Variants in CDH20 observed in about 807,000 individuals in gnomAD.
CDH20 encodes the protein cadherin-20.
Under a neutral mutation model 74.2 loss-of-function variants are expected in CDH20, and 29 were observed. The ratio of observed to expected loss-of-function variants is 0.39; its 90% CI spans 0.29 to 0.53. The LOEUF (loss-of-function observed/expected upper bound fraction) is 0.53, where lower values mean the gene tolerates loss of function less well. Ranked by LOEUF, CDH20 falls within the 20% of genes least tolerant of loss-of-function variation. The probability of loss-of-function intolerance (pLI) is 0.69; values close to 1 mark genes in which losing one functional copy is unlikely to be tolerated. For synonymous variants in CDH20, 469 were observed against 405.4 expected (o/e 1.16, Z -1.88); for missense variants, 988 against 1,048.3 (o/e 0.94, Z 0.79).
chr18:61,360,033 T>G (rs971871936), intron 1 of CDH20, among the ~76,000 whole-genome samples: 5 of 152,124 alleles, frequency 3.3e-5, no homozygotes, highest in Admixed American at 6.5e-5. Flanking sequence ...ACCAGAGGGC[T>G]TGTCAAAAAT....
chr18:61,375,711 C>CTATTCATTCAT (rs1189672251), intron 1 of CDH20, among the ~76,000 whole-genome samples: 1 of 152,102 alleles, frequency 6.6e-6, no homozygotes, highest in Non-Finnish European at 1.5e-5. Context: ...CTAGGAGGTA[C>CTATTCATTCAT]TATTCATTCA....
Position 61,340,458 on chromosome 18 carries a change from T to A in CDH20, c.-153+6631T>A, listed in dbSNP as rs148706829. Among the ~76,000 whole-genome samples, 19 of 152,258 alleles carry A rather than the reference T, an allele frequency of 1.2e-4. 1 individual carries two copies. Among genetic ancestry groups the A allele is most frequent in the Non-Finnish European group, 2.8e-4 (19 of 68,010 alleles). ...AGCATGGAAAGAGGTACAGGAAAGTTTTTTTGTTGGTGTTCTTTAGCTGGT... is the reference window on the plus strand; with the variant it reads ...AGCATGGAAAGAGGTACAGGAAAGTATTTTTGTTGGTGTTCTTTAGCTGGT... On this transcript the variant is annotated intron_variant, in intron 1 of 11. Coordinates refer to ENST00000262717, the MANE Select transcript of CDH20 (RefSeq NM_031891.4).
intron 1 of CDH20, among the ~76,000 whole-genome samples, chr18:61,482,582 C>T (rs1438410671): frequency 2.6e-5 from 4 of 152,140 alleles, no homozygotes; most frequent in Admixed American, 6.5e-5. Context: ...CTTTGTTCTC[C>T]TTTTTCTTTA....
chr18:61,495,307 G>T (rs1052635107), intron 2 of CDH20, among the ~76,000 whole-genome samples: 1 of 152,214 alleles, frequency 6.6e-6, no homozygotes, highest in Non-Finnish European at 1.5e-5. Context: ...GAAACCAAAT[G>T]TGTATTCTAC....
chr18:61,380,362 C>T (rs965578382), intron 1 of CDH20, among the ~76,000 whole-genome samples: 1 of 152,024 alleles, frequency 6.6e-6, no homozygotes, highest in East Asian at 1.9e-4. Flanking sequence ...ATTATAAATA[C>T]CATAGTAAAA....
chr18:61,420,887 C>G (rs1248654631), intron 1 of CDH20, among the ~76,000 whole-genome samples: 1 of 152,096 alleles, frequency 6.6e-6, no homozygotes, highest in Non-Finnish European at 1.5e-5. Context: ...AACCCTGTCT[C>G]TACTAAAAAT....
chr18:61,379,621 A>C (rs751911731), intron 1 of CDH20, among the ~76,000 whole-genome samples: 81 of 152,208 alleles, frequency 5.3e-4, no homozygotes, highest in Non-Finnish European at 3.4e-4. Flanking sequence ...TGAATCCCAA[A>C]GATAAAGTTT....
At chr18:61,347,455 G>A (rs958826809) in intron 1 of CDH20, among the ~76,000 whole-genome samples, 1 of 150,584 alleles carries the variant, frequency 6.6e-6, no homozygotes, top group African/African-American at 2.5e-5. Context: ...GGGAGGTGGA[G>A]GTTGCAGTGA....
rs181073846 is a variant in CDH20 at position 61,551,730 on chromosome 18, G to A, written c.1900+1501G>A. On this transcript the variant is annotated intron_variant, in intron 11 of 11. Coordinates refer to ENST00000262717, the MANE Select transcript of CDH20 (RefSeq NM_031891.4). Reference sequence around the variant, plus strand: ...GCATTGGGAGTCCTTTAGCACAGAAGTGGATGACCTGTAAGAGGCCTTTGA... The same window carrying A: ...GCATTGGGAGTCCTTTAGCACAGAAATGGATGACCTGTAAGAGGCCTTTGA... Among the ~76,000 whole-genome samples, 438 of 152,314 alleles carry A rather than the reference G, an allele frequency of 2.9e-3. 1 individual carries two copies. Among genetic ancestry groups the A allele is most frequent in the African/African-American group, 0.01 (418 of 41,578 alleles).
At chr18:61,399,568 T>C (rs1753794579) in intron 1 of CDH20, among the ~76,000 whole-genome samples, 1 of 152,154 alleles carries the variant, frequency 6.6e-6, no homozygotes, top group African/African-American at 2.4e-5. Flanking sequence ...CTGGAAAACA[T>C]ACTACTGCCA....
At chr18:61,464,344 A>G (rs755148914) in intron 1 of CDH20, among the ~76,000 whole-genome samples, 1 of 151,934 alleles carries the variant, frequency 6.6e-6, no homozygotes, top group African/African-American at 2.4e-5. Flanking sequence ...ATATTGCACA[A>G]TTCTTATTAT....
intron 1 of CDH20, among the ~76,000 whole-genome samples, chr18:61,356,860 G>A (rs1010700106): frequency 6.6e-6 from 1 of 152,106 alleles, no homozygotes. Context: ...GTTCATCATC[G>A]TCATTTAAAC....
chr18:61,536,534 A>G lies in CDH20; in HGVS notation c.1313A>G (p.Tyr438Cys). 1 of 1,613,562 alleles carries G rather than the reference A, an allele frequency of 6.2e-7. No individual in the cohort carries two copies. ...DRSSDPGRFF[Y>C]VDITTGALMT... ...AGCAGTGACCCTGGAAGATTTTTCT[A>G]TGTTGACATTACAACAGGTGCCCTA... The change falls in exon 8 of 12, where the codon TAT becomes TGT. Residue 438 changes from tyrosine to cysteine, a missense_variant. Tyr to Cys is a radical substitution (Grantham distance 194, BLOSUM62 -2). Around this residue, in one of 2 missense-constraint regions of CDH20, gnomAD observed 613 missense variants for 755.2 expected, o/e 0.81. Transcript: ENST00000262717.
intron 1 of CDH20, chr18:61,334,351 C>G (rs896052606): frequency 9.2e-5 from 14 of 152,218 alleles, no homozygotes; most frequent in African/African-American, 2.9e-4. Context: ...CTGGTCCGTG[C>G]CTCGCGCCGC....
At chr18:61,445,682 T>C (rs141980235) in intron 1 of CDH20, among the ~76,000 whole-genome samples, 1 of 152,360 alleles carries the variant, frequency 6.6e-6, no homozygotes, top group Non-Finnish European at 1.5e-5. Context: ...GTCTGTTTAG[T>C]ACATTGCTAA....
intron 1 of CDH20, among the ~76,000 whole-genome samples, chr18:61,389,826 C>T (rs1342581185): frequency 6.6e-6 from 1 of 152,198 alleles, no homozygotes; most frequent in Non-Finnish European, 1.5e-5. Context: ...TAACATGCCA[C>T]TTGTGGAGTA....
intron 10 of CDH20, 138 bp from the exon 11 acceptor site, chr18:61,549,840 G>A (rs972364627): frequency 1.0e-5 from 9 of 897,990 alleles, no homozygotes; most frequent in Admixed American, 5.2e-5. Flanking sequence ...AGGCAAACCC[G>A]CCATGGTTGA....
At position 61,538,651 on chromosome 18, in the gene CDH20, C is replaced by T. The variant is rs1231039074; in HGVS notation, c.1409-373C>T. ...TTTTTTTTTTTGAGACGGAGTCTTA[C>T]TCTTTTGCCCAGGCCGGACTGCAGT... On this transcript the variant is annotated intron_variant, in intron 8 of 11. Transcript: ENST00000262717. Among the ~76,000 whole-genome samples the T allele has an allele frequency of 2.2e-4, 19 of 86,678 alleles. 1 individual carries two copies. Among genetic ancestry groups the T allele is most frequent in the African/African-American group, 6.7e-4 (16 of 23,884 alleles). The allele number at this position is 86,678 out of a possible 152,430, so 56.9% of individuals were successfully genotyped here.
chr18:61,471,603 C>T (rs1910179781), intron 1 of CDH20, among the ~76,000 whole-genome samples: 2 of 152,058 alleles, frequency 1.3e-5, no homozygotes, highest in Admixed American at 6.5e-5. Context: ...TCCCTGTGGC[C>T]CTGTGGAACT....
Sources: gnomAD v4.1 joint callset for allele counts (sites outside exome capture counted in the v4.1 genomes callset) on GRCh38, gnomAD v4.1.1 for gene constraint, gnomAD v4.1.1 regional missense constraint, MANE v1.5 for transcripts, NCBI Gene and HGNC (gene_info 2026-07-23, HGNC 2026-07-21) for gene names.